The following ZFHX3 variants were observed in gnomAD, a reference collection of about 807,000 sequenced individuals.
The protein encoded by ZFHX3 is zinc finger homeobox 3.
A neutral mutation model predicts 279.1 loss-of-function variants in ZFHX3; 42 were observed. The ratio of observed to expected loss-of-function variants is 0.15; its 90% CI spans 0.12 to 0.19. The LOEUF (loss-of-function observed/expected upper bound fraction) is 0.19. Ranked by LOEUF, ZFHX3 falls within the 10% of genes least tolerant of loss-of-function variation. ZFHX3 has a pLI of 1.00. For synonymous variants in ZFHX3, 2,293 were observed against 1,957.8 expected (o/e 1.17, Z -4.52); for missense variants, 4,981 against 4,754.0 (o/e 1.05, Z -1.40).
At chr16:72,997,632 T>C (rs1371325783) in intron 1 of ZFHX3, among the ~76,000 whole-genome samples, 1 of 152,216 alleles carries the variant, frequency 6.6e-6, no homozygotes, top group Non-Finnish European at 1.5e-5. Flanking sequence ...CACTCCCCAC[T>C]GGAGCCAGGT....
chr16:73,130,916 C>A, intron 7 of ZFHX3: 1 of 1,284,762 alleles, frequency 7.8e-7, no homozygotes, highest in African/African-American at 1.5e-5. Context: ...CCCAGACAGT[C>A]TTATTTTAAA....
rs190004415 is a variant in ZFHX3, at chr16:73,768,994, G to A, written c.-1607-88754C>T. 4.0e-4 allele frequency among the ~76,000 whole-genome samples: 61 copies of A among 152,052 alleles called. 1 individual carries two copies. The highest frequency in any genetic ancestry group is 1.4e-3 in the African/African-American group (60 of 41,504). ...TTCAGATAAACAATGAATCATTTTT[G>A]GTACAAATATGCCCCATGCCATATT... On this transcript the variant is annotated intron_variant, in intron 1 of 17. Coordinates refer to the ZFHX3 transcript ENST00000641206.
chr16:73,395,513 A>G (rs756320768), intron 3 of ZFHX3, among the ~76,000 whole-genome samples: 2 of 151,650 alleles, frequency 1.3e-5, no homozygotes, highest in Non-Finnish European at 2.9e-5. Flanking sequence ...CAAGAGGGTC[A>G]CCCTGCACCG....
At chr16:73,268,331 CTA>C (rs1476793439) in intron 4 of ZFHX3, among the ~76,000 whole-genome samples, 1 of 152,186 alleles carries the variant, frequency 6.6e-6, no homozygotes, top group African/African-American at 2.4e-5. Flanking sequence ...CCCTCAAACT[CTA>C]TATGAATCTG....
chr16:73,278,447 G>A (rs1033225110), intron 4 of ZFHX3, among the ~76,000 whole-genome samples: 1 of 152,332 alleles, frequency 6.6e-6, no homozygotes, highest in Non-Finnish European at 1.5e-5. Flanking sequence ...CTTCAAGAAT[G>A]AAGCCAGGGA....
At chr16:73,642,843 C>G (rs1480570) in intron 2 of ZFHX3, among the ~76,000 whole-genome samples, 1 of 151,944 alleles carries the variant, frequency 6.6e-6, no homozygotes, top group Admixed American at 6.5e-5. Flanking sequence ...TCAAACTGCT[C>G]CATCCATCAA....
At chr16:73,864,204 G>A (rs114086614) in intron 1 of ZFHX3, among the ~76,000 whole-genome samples, 1,697 of 152,202 alleles carry the variant, frequency 0.011, 26 homozygotes, top group African/African-American at 0.039. Context: ...ACAGCACAAG[G>A]GTCTTCTTTC....
intron 3 of ZFHX3, among the ~76,000 whole-genome samples, chr16:73,455,080 C>A (rs1286612381): frequency 6.6e-6 from 1 of 152,106 alleles, no homozygotes; most frequent in Non-Finnish European, 1.5e-5. Flanking sequence ...TTTGAACCAT[C>A]ATGACGTTGT....
chr16:73,600,028 T>G (rs2052094911), intron 2 of ZFHX3, among the ~76,000 whole-genome samples: 1 of 152,320 alleles, frequency 6.6e-6, no homozygotes, highest in African/African-American at 2.4e-5. Context: ...CTGGAGTTGC[T>G]GGACTTTGGA....
At chr16:73,690,025 C>T (rs1374075845) in intron 1 of ZFHX3, among the ~76,000 whole-genome samples, 1 of 152,070 alleles carries the variant, frequency 6.6e-6, no homozygotes, top group South Asian at 2.1e-4. Flanking sequence ...AAGCAATTGC[C>T]CTGCCTCAGC....
At chr16:73,009,083 T>C (rs1273409183) in intron 1 of ZFHX3, among the ~76,000 whole-genome samples, 1 of 152,206 alleles carries the variant, frequency 6.6e-6, no homozygotes, top group Non-Finnish European at 1.5e-5. Flanking sequence ...TTACAATTAC[T>C]ACATCTTGTA....
chr16:73,663,098 T>C lies in ZFHX3; in HGVS notation c.-1547+17082A>G, dbSNP rs188511381. Among the ~76,000 whole-genome samples, 578 of 152,272 alleles carry C rather than the reference T, an allele frequency of 3.8e-3. 4 individuals carry two copies. Among genetic ancestry groups the C allele is most frequent in the African/African-American group, 0.013 (538 of 41,568 alleles). On this transcript the variant is annotated intron_variant, in intron 2 of 17. Coordinates refer to the ZFHX3 transcript ENST00000641206. ...AAAATAAAAAAGAAAAGAGGTTGGGTTGAGTGGGGGAGGAGTGAAAGCCAT... is the reference window on the plus strand; with the variant it reads ...AAAATAAAAAAGAAAAGAGGTTGGGCTGAGTGGGGGAGGAGTGAAAGCCAT...
intron 2 of ZFHX3, among the ~76,000 whole-genome samples, chr16:73,618,267 T>C (rs2052324989): frequency 6.6e-6 from 1 of 152,228 alleles, no homozygotes; most frequent in Non-Finnish European, 1.5e-5. Flanking sequence ...AAAAACCCGC[T>C]GGTGATTCTC....
intron 5 of ZFHX3, among the ~76,000 whole-genome samples, chr16:73,182,688 A>G (rs1967824041): frequency 6.6e-6 from 1 of 152,220 alleles, no homozygotes; most frequent in African/African-American, 2.4e-5. Flanking sequence ...TGTATATACC[A>G]TGGAATAATA....
intron 1 of ZFHX3, among the ~76,000 whole-genome samples, chr16:73,687,491 G>A (rs1453335754): frequency 6.6e-6 from 1 of 152,006 alleles, no homozygotes; most frequent in African/African-American, 2.4e-5. Flanking sequence ...GCCCCACAGT[G>A]CATCTTCTGT....
chr16:72,890,630 C>G (rs764425398), intron 3 of ZFHX3, among the ~76,000 whole-genome samples: 6 of 152,136 alleles, frequency 3.9e-5, no homozygotes, highest in Non-Finnish European at 7.4e-5. Context: ...TGTTGATAAT[C>G]CTGATCACAT....
chr16:73,659,500 C>A (rs191480666), intron 2 of ZFHX3, among the ~76,000 whole-genome samples: 1 of 152,180 alleles, frequency 6.6e-6, no homozygotes, highest in Admixed American at 6.5e-5. Context: ...CTAAATGTTA[C>A]CCTCAGAGAT....
rs2143436195 is a variant in ZFHX3 at position 72,796,570 on chromosome 16, C to G, written c.6112G>C (p.Glu2038Gln). 1 of 1,611,674 alleles carries G rather than the reference C, an allele frequency of 6.2e-7. No individual in the cohort carries two copies. Among genetic ancestry groups the G allele is most frequent in the Admixed American group, 1.7e-5 (1 of 59,860 alleles). ...KLYPLRPQTP[E>Q]PPPPPPPPPP... ...GGTGGAGGGGGAGGTGGTGGTGGCT[C>G]TGGGGTCTGGGGCCTCAGTGGGTAC... is the stretch of plus-strand genomic sequence containing the variant. The change falls in exon 9 of 10, where the codon GAG becomes CAG. Residue 2038 changes from glutamate to glutamine, a missense_variant. Transcript: ENST00000268489.
At position 72,959,220 on chromosome 16, in the gene ZFHX3, A is replaced by G; in HGVS notation, c.926T>C (p.Leu309Pro). Residue 309 changes from leucine (L) to proline (P), a missense_variant, in exon 2 of 10, where the codon CTG (leucine) becomes CCG (proline). Physicochemically the swap from Leu to Pro is moderately conservative, Grantham distance 98. This residue lies in a region of ZFHX3 where 1,068 missense variants were observed against 935.2 expected (regional missense o/e 1.14). Transcript: ENST00000268489. ...AAGAATTTTCCGCTCGTCTTCGCTC[A>G]GGGTCATTCGATGGTCATGCACCGC... ...THAVHDHRMTLSEDERKILSN... is the reference protein window; with the variant it reads ...THAVHDHRMTPSEDERKILSN... 6.2e-7 allele frequency: 1 copy of G among 1,614,218 alleles called. No homozygotes were observed. The highest frequency in any genetic ancestry group is 8.5e-7 in the Non-Finnish European group (1 of 1,180,042).
Sources: gnomAD v4.1 joint callset for allele counts (sites outside exome capture counted in the v4.1 genomes callset) on GRCh38, gnomAD v4.1.1 for gene constraint, gnomAD v4.1.1 regional missense constraint, MANE v1.5 for transcripts, NCBI Gene and HGNC (gene_info 2026-07-23, HGNC 2026-07-21) for gene names.